The following VSTM2L variants were observed in gnomAD, a reference collection of about 807,000 sequenced individuals.
VSTM2L encodes V-set and transmembrane domain-containing protein 2-like protein.
Under a neutral mutation model 19.9 loss-of-function variants are expected in VSTM2L, and 9 were observed. That is an observed-to-expected ratio of 0.45 (90% CI 0.27 to 0.79). The LOEUF is 0.79. Ranked by LOEUF, VSTM2L falls within the 30% of genes least tolerant of loss-of-function variation. The pLI is 0.15. For synonymous variants in VSTM2L, 127 were observed against 133.8 expected, an observed-to-expected ratio of 0.95 and a Z score of 0.35; for missense variants, 286 against 295.5, an observed-to-expected ratio of 0.97 and a Z score of 0.24.
intron 1 of VSTM2L, among the ~76,000 whole-genome samples, chr20:37,919,017 G>A (rs1211813239): frequency 2.6e-5 from 4 of 152,220 alleles, no homozygotes; most frequent in Non-Finnish European, 5.9e-5. Flanking sequence ...TCCTATAGCA[G>A]TCTCTGGCAT....
At chr20:37,943,526 G>A (rs6021982) in intron 3 of VSTM2L, among the ~76,000 whole-genome samples, 49,974 of 150,200 alleles carry the variant, frequency 0.33, 10,063 homozygotes, top group African/African-American at 0.56. Context: ...CCTGTGTTCT[G>A]CCCTAGGGTC....
At chr20:37,931,842 A>T in intron 2 of VSTM2L, 38 bp downstream of exon 2, 1 of 1,598,986 alleles carries the variant, frequency 6.3e-7, no homozygotes, top group South Asian at 1.1e-5. Context: ...TGGGCTGGGG[A>T]AGTCCTGGTC....
chr20:37,909,609 C>T (rs902863806), intron 1 of VSTM2L, among the ~76,000 whole-genome samples: 1 of 152,092 alleles, frequency 6.6e-6, no homozygotes, highest in Non-Finnish European at 1.5e-5. Flanking sequence ...GAAAAAATCA[C>T]AAAATTGGAG....
chr20:37,918,189 G>C (rs1214088396), intron 1 of VSTM2L, among the ~76,000 whole-genome samples: 6 of 152,192 alleles, frequency 3.9e-5, no homozygotes, highest in Non-Finnish European at 8.8e-5. Context: ...GGATAGGGAA[G>C]TGGCAGGGAA....
intron 1 of VSTM2L, among the ~76,000 whole-genome samples, 178 bp from the exon 2 acceptor site, chr20:37,931,457 C>A (rs544529886): frequency 4.6e-5 from 7 of 152,284 alleles, no homozygotes; most frequent in African/African-American, 1.7e-4. Flanking sequence ...CCTTGCTGAG[C>A]TTCTTGGGTG....
intron 1 of VSTM2L, among the ~76,000 whole-genome samples, chr20:37,915,807 G>C (rs563058960): frequency 3.1e-4 from 47 of 152,100 alleles, no homozygotes; most frequent in Middle Eastern, 3.4e-3. Context: ...GTCAGGGTGG[G>C]GCCACCACCA....
At chr20:37,936,943 G>T (rs924294292) in intron 3 of VSTM2L, among the ~76,000 whole-genome samples, 1 of 152,020 alleles carries the variant, frequency 6.6e-6, no homozygotes, top group Non-Finnish European at 1.5e-5. Context: ...AAAATCAGAT[G>T]CTGGGCGCAG....
chr20:37,938,669 G>A (rs548050124), intron 3 of VSTM2L, among the ~76,000 whole-genome samples: 29 of 152,362 alleles, frequency 1.9e-4, no homozygotes, highest in African/African-American at 4.8e-4. Context: ...CTCTTTCAGC[G>A]TAACTAGGTG....
chr20:37,914,377 G>T (rs373083644), intron 1 of VSTM2L, among the ~76,000 whole-genome samples: 368 of 2,386 alleles, frequency 0.15, no homozygotes, highest in Middle Eastern at 0.5. Context: ...TATGTGTGTG[G>T]GTGTATGTGT....
chr20:37,941,721 A>C (rs372654982), intron 3 of VSTM2L, among the ~76,000 whole-genome samples: 1 of 152,090 alleles, frequency 6.6e-6, no homozygotes, highest in East Asian at 1.9e-4. Flanking sequence ...ACCTGAGCCT[A>C]CAAAGCTGTC....
intron 3 of VSTM2L, among the ~76,000 whole-genome samples, chr20:37,940,856 AACCATCACATCTTGTGAGAACTC>A: frequency 6.6e-6 from 1 of 152,158 alleles, no homozygotes; most frequent in African/African-American, 2.4e-5. Flanking sequence ...GCTACTTTTA[AACCATCACATCTTGTGAGAACTC>A]ACTCACTATC....
rs996701038 is a variant in VSTM2L, at chr20:37,944,535, C to A, written c.*282C>A. 3.3e-5 allele frequency: 40 copies of A among 1,194,076 alleles called. No individual in the cohort carries two copies. The highest frequency in any genetic ancestry group is 4.4e-5 in the Admixed American group (1 of 22,978). 74.0% of individuals were successfully genotyped at this position (1,194,076 alleles called of 1,614,324 possible). ...CTGGGGCAGGGACCATGCTGGGGCC[C>A]GGGGCCACCCCCTTCCTGTCACCAG... On this transcript the variant is annotated 3_prime_UTR_variant, in exon 4 of 4. Coordinates refer to ENST00000373461, the MANE Select transcript of VSTM2L (RefSeq NM_080607.3).
intron 3 of VSTM2L, 86 bp downstream of exon 3, chr20:37,933,675 G>A: frequency 7.5e-7 from 1 of 1,333,440 alleles, no homozygotes; most frequent in Non-Finnish European, 1.1e-6. Flanking sequence ...AGTTCAGCAG[G>A]GAGCTTGGGC....
Position 37,903,419 on chromosome 20 carries a change from C to T in VSTM2L, c.69C>T (p.Gly23=), listed in dbSNP as rs1465432345. The T allele has an allele frequency of 1.2e-5, 18 of 1,488,546 alleles. No individual in the cohort carries two copies. The highest frequency in any genetic ancestry group is 1.6e-5 in the Non-Finnish European group (18 of 1,125,716). 92.2% of individuals were successfully genotyped at this position (1,488,546 alleles called of 1,614,324 possible). ...HYLALFLQLG[G]ATRPAGHAPW... ...TGGCACTTTTCCTGCAACTCGGCGG[C>T]GCCACGCGGCCCGCCGGCCACGCGC... is the stretch of plus-strand genomic sequence containing the variant. Residue 23 remains glycine (G), a synonymous_variant, in exon 1 of 4, where the codon GGC becomes GGT. Coordinates refer to ENST00000373461, the MANE Select transcript of VSTM2L (RefSeq NM_080607.3).
chr20:37,911,657 G>A, intron 1 of VSTM2L, among the ~76,000 whole-genome samples: 1 of 152,138 alleles, frequency 6.6e-6, no homozygotes, highest in Non-Finnish European at 1.5e-5. Context: ...AGCTCTTAAA[G>A]TGCCAGGATG....
Position 37,933,568 on chromosome 20 carries a change from G to A in VSTM2L, c.321G>A (p.Gly107=), listed in dbSNP as rs2072923267. 1.2e-6 allele frequency: 2 copies of A among 1,613,974 alleles called. No individual in the cohort carries two copies. The highest frequency in any genetic ancestry group is 1.7e-6 in the Non-Finnish European group (2 of 1,180,010). ...QLKASQQEDA[G]KEATKISVVK... ...AAGCATCTCAGCAGGAAGACGCAGG[G>A]AAGGAGGCAACCAAAATAAGTGTGA... The change falls in exon 3 of 4, where the codon GGG becomes GGA. Residue 107 remains glycine (G), a synonymous_variant. Transcript: ENST00000373461.
chr20:37,907,818 A>G (rs2072759055), intron 1 of VSTM2L, among the ~76,000 whole-genome samples: 1 of 152,178 alleles, frequency 6.6e-6, no homozygotes, highest in South Asian at 2.1e-4. Context: ...AGGAGGGACC[A>G]GCAGGGTGCT....
intron 3 of VSTM2L, among the ~76,000 whole-genome samples, chr20:37,935,623 T>C (rs944393165): frequency 2.0e-5 from 3 of 152,172 alleles, no homozygotes; most frequent in Non-Finnish European, 4.4e-5. Flanking sequence ...CTTGAACTTG[T>C]GACCCAGCTG....
At chr20:37,932,233 C>G (rs1249631662) in intron 2 of VSTM2L, among the ~76,000 whole-genome samples, 2 of 152,184 alleles carry the variant, frequency 1.3e-5, no homozygotes, top group African/African-American at 2.4e-5. Flanking sequence ...CTCACAGGCA[C>G]ACACGCATAC....
Sources: gnomAD v4.1 joint callset for allele counts (sites outside exome capture counted in the v4.1 genomes callset) on GRCh38, gnomAD v4.1.1 for gene constraint, MANE v1.5 for transcripts, NCBI Gene and HGNC (gene_info 2026-07-23, HGNC 2026-07-21) for gene names.